SYNPO2: variants seen among roughly 807,000 people sequenced by gnomAD.
SYNPO2 encodes the protein synaptopodin-2.
SYNPO2 carries 56 observed loss-of-function variants against 85.0 expected under a neutral mutation model. The ratio of observed to expected loss-of-function variants is 0.66; its 90% CI spans 0.53 to 0.82. SYNPO2 has a LOEUF of 0.82. SYNPO2 is among the 40% of genes least tolerant of loss of function. The pLI, the probability that SYNPO2 is intolerant of heterozygous loss-of-function variation, is 0.00. For missense variants in SYNPO2, 1,575 were observed against 1,534.2 expected (o/e 1.03, Z -0.44); for synonymous variants, 602 against 591.1 (o/e 1.02, Z -0.27).
chr4:119,010,086 T>C (rs1737233524), intron 1 of SYNPO2, among the ~76,000 whole-genome samples: 1 of 152,204 alleles, frequency 6.6e-6, no homozygotes, highest in Non-Finnish European at 1.5e-5. Context: ...ATAGTATTCG[T>C]GGGAGGTGGC....
intron 1 of SYNPO2, among the ~76,000 whole-genome samples, chr4:118,939,052 T>G (rs1363408730): frequency 6.6e-6 from 1 of 152,214 alleles, no homozygotes; most frequent in Non-Finnish European, 1.5e-5. Flanking sequence ...AGATTTTCAC[T>G]GTCAGACACC....
At chr4:118,880,078 G>A (rs549996752) in intron 1 of SYNPO2, among the ~76,000 whole-genome samples, 1 of 152,226 alleles carries the variant, frequency 6.6e-6, no homozygotes, top group South Asian at 2.1e-4. Context: ...ACAAAACTGG[G>A]AATCACTGTT....
chr4:119,034,996 A>G lies in SYNPO2; in HGVS notation c.3252+2969A>G, dbSNP rs919974791. 5 of 985,382 alleles carry G rather than the reference A, an allele frequency of 5.1e-6. No individual in the cohort carries two copies. The African/African-American group carries it at 8.7e-5, about 17-fold the overall frequency. The allele number at this position is 985,382 out of a possible 1,614,324, so 61.0% of individuals were successfully genotyped here. A position where few individuals can be genotyped will look rare whatever the true frequency, so the allele number is the denominator to read the frequency against. On this transcript the variant is annotated intron_variant, in intron 4 of 4. Transcript: ENST00000307142. ...CTTTGCCTCTTCCTTTGTCCTTAGC[A>G]TAATTTCTAGGCAGAGCATCCACGA...
rs1352300653 is a variant in SYNPO2, at chr4:118,870,409, G to A, written c.12+19469G>A. On this transcript the variant is annotated intron_variant, in intron 1 of 4. Coordinates refer to the SYNPO2 transcript ENST00000610556. ...TCAGGCAGTTGTTTAAAAAGCAGATGTTCCACATTTTCTTTATCCAGTCTA... is the reference window on the plus strand; with the variant it reads ...TCAGGCAGTTGTTTAAAAAGCAGATATTCCACATTTTCTTTATCCAGTCTA... Among the ~76,000 whole-genome samples, 7 of 152,320 alleles carry A rather than the reference G, an allele frequency of 4.6e-5. No homozygotes were observed. The South Asian group carries it at 1.5e-3, about 32-fold the overall frequency.
rs1553941454 is a variant in SYNPO2 at position 118,961,104 on chromosome 4, C to CG, written c.106-62326_106-62325insG. Among the ~76,000 whole-genome samples, 87 of 117,416 alleles carry CG rather than the reference C, an allele frequency of 7.4e-4. 1 individual carries two copies. Among genetic ancestry groups the CG allele is most frequent in the African/African-American group, 2.6e-3 (79 of 30,610 alleles). 77.0% of individuals were successfully genotyped at this position (117,416 alleles called of 152,430 possible). A position where few individuals can be genotyped will look rare whatever the true frequency, so the allele number is the denominator to read the frequency against. On this transcript the variant is annotated intron_variant, in intron 1 of 4. Transcript: ENST00000307142. Reference sequence around the variant, plus strand: ...CAACTGGGGGCTATTTTACCGCCCCCCCCCCACCCCTCCAGGGACACTTGG... The same window carrying CG: ...CAACTGGGGGCTATTTTACCGCCCCCGCCCCCACCCCTCCAGGGACACTTGG...
At chr4:118,951,846 T>TGAATTTGAGA (rs755632225) in intron 1 of SYNPO2, among the ~76,000 whole-genome samples, 2 of 152,180 alleles carry the variant, frequency 1.3e-5, no homozygotes, top group Non-Finnish European at 2.9e-5. Flanking sequence ...AAGCTAAAGC[T>TGAATTTGAGA]GAATTTGAGA....
intron 1 of SYNPO2, among the ~76,000 whole-genome samples, chr4:118,902,817 A>G (rs1732804583): frequency 6.6e-6 from 1 of 152,250 alleles, no homozygotes; most frequent in African/African-American, 2.4e-5. Context: ...ATCACTTAGT[A>G]CTTAGAAAAC....
chr4:118,992,770 T>G (rs554514742), intron 1 of SYNPO2, among the ~76,000 whole-genome samples: 1 of 152,290 alleles, frequency 6.6e-6, no homozygotes, highest in African/African-American at 2.4e-5. Flanking sequence ...GCATCTTAGG[T>G]TTGGAGATCC....
At chr4:118,937,045 CA>C (rs1292368473) in intron 1 of SYNPO2, among the ~76,000 whole-genome samples, 1 of 152,148 alleles carries the variant, frequency 6.6e-6, no homozygotes, top group Non-Finnish European at 1.5e-5. Flanking sequence ...CAATGACCCC[CA>C]AATTTGTCTC....
At chr4:119,032,148 A>C (rs1738303109) in intron 4 of SYNPO2, 121 bp downstream of exon 4, 1 of 1,491,258 alleles carries the variant, frequency 6.7e-7, no homozygotes, top group Non-Finnish European at 8.9e-7. Flanking sequence ...AAAGTCCTCA[A>C]CTTACTTAAT....
chr4:118,985,695 T>A (rs1007911418), intron 1 of SYNPO2, among the ~76,000 whole-genome samples: 9 of 152,250 alleles, frequency 5.9e-5, no homozygotes, highest in Admixed American at 5.9e-4. Context: ...ATTAGGCATC[T>A]AGAAGTGTCT....
intron 4 of SYNPO2, chr4:119,035,488 C>T: frequency 3.0e-6 from 3 of 985,322 alleles, no homozygotes; most frequent in South Asian, 9.4e-5. Flanking sequence ...GTAAAGCATA[C>T]CTTGTTAGGA....
chr4:118,908,975 C>T (rs959803074), intron 1 of SYNPO2, among the ~76,000 whole-genome samples: 22 of 152,136 alleles, frequency 1.4e-4, no homozygotes, highest in Admixed American at 2.6e-4. Context: ...ATTGGGCCCC[C>T]GTAACATAAA....
In SYNPO2 at chr4:119,032,028, G is replaced by C. The variant is rs1342327941; in HGVS notation, c.3252+1G>C. On this transcript the variant is annotated splice_donor_variant, in intron 4 of 4. Coordinates refer to ENST00000307142, the MANE Select transcript of SYNPO2 (RefSeq NM_133477.3). LOFTEE classifies it high-confidence loss of function. Reference sequence around the variant, plus strand: ...CAAGAAAAGTGGTGTCACAATTCAGGTGTGGAAACCATCTGTTGTGGAAGA... The same window carrying C: ...CAAGAAAAGTGGTGTCACAATTCAGCTGTGGAAACCATCTGTTGTGGAAGA... 6.2e-7 allele frequency: 1 copy of C among 1,613,910 alleles called. No homozygotes were observed.
At chr4:119,024,858 T>C (rs1035988919) in intron 2 of SYNPO2, among the ~76,000 whole-genome samples, 1 of 152,180 alleles carries the variant, frequency 6.6e-6, no homozygotes, top group Admixed American at 6.5e-5. Flanking sequence ...CATCTATCAG[T>C]AGAGGACAAG....
chr4:118,902,164 T>A (rs1464071669), intron 1 of SYNPO2, among the ~76,000 whole-genome samples: 4 of 152,220 alleles, frequency 2.6e-5, no homozygotes, highest in Non-Finnish European at 5.9e-5. Context: ...TATTTTCCCA[T>A]CATTAAATGA....
chr4:118,882,822 T>G (rs1385999332), intron 1 of SYNPO2, among the ~76,000 whole-genome samples: 1 of 151,860 alleles, frequency 6.6e-6, no homozygotes, highest in Non-Finnish European at 1.5e-5. Flanking sequence ...CAGGCTGAAG[T>G]GCAATGGTGC....
At chr4:118,862,587 A>T (rs867996376) in intron 1 of SYNPO2, among the ~76,000 whole-genome samples, 8 of 152,140 alleles carry the variant, frequency 5.3e-5, no homozygotes, top group African/African-American at 1.9e-4. Flanking sequence ...AAATGATCAT[A>T]TTATTTTTAT....
chr4:118,947,069 A>G (rs1734529047), intron 1 of SYNPO2, among the ~76,000 whole-genome samples: 1 of 152,170 alleles, frequency 6.6e-6, no homozygotes, highest in African/African-American at 2.4e-5. Context: ...ATCAAAATGA[A>G]TATTTCATTG....
Sources: gnomAD v4.1 joint callset for allele counts (sites outside exome capture counted in the v4.1 genomes callset) on GRCh38, gnomAD v4.1.1 for gene constraint, MANE v1.5 for transcripts, NCBI Gene and HGNC (gene_info 2026-07-23, HGNC 2026-07-21) for gene names.